Variants in CYTH3 observed in about 807,000 individuals in gnomAD.
CYTH3 encodes the protein cytohesin 3.
A neutral mutation model predicts 55.1 loss-of-function variants in CYTH3; 23 were observed. The ratio of observed to expected loss-of-function variants is 0.42; its 90% CI spans 0.30 to 0.59. CYTH3 has a LOEUF of 0.59. Ranked by LOEUF, CYTH3 falls within the 20% of genes least tolerant of loss-of-function variation. The probability of loss-of-function intolerance (pLI) is 0.20; values close to 1 mark genes in which losing one functional copy is unlikely to be tolerated. For synonymous variants in CYTH3, 249 were observed against 194.9 expected (o/e 1.28, Z -2.31); for missense variants, 413 against 524.8 (o/e 0.79, Z 2.08).
At chr7:6,206,105 C>A (rs191421520) in intron 1 of CYTH3, among the ~76,000 whole-genome samples, 1 of 152,246 alleles carries the variant, frequency 6.6e-6, no homozygotes, top group Non-Finnish European at 1.5e-5. Flanking sequence ...CAATTCCACT[C>A]TAGTTATATA....
At chr7:6,176,442 T>A (rs933047561) in intron 5 of CYTH3, among the ~76,000 whole-genome samples, 1 of 151,942 alleles carries the variant, frequency 6.6e-6, no homozygotes, top group African/African-American at 2.4e-5. Context: ...TTTGTGTTTT[T>A]AGTAGAGGTG....
At chr7:6,213,127 A>G (rs1199723592) in intron 1 of CYTH3, among the ~76,000 whole-genome samples, 1 of 152,216 alleles carries the variant, frequency 6.6e-6, no homozygotes, top group Non-Finnish European at 1.5e-5. Flanking sequence ...TGTCTGGTTC[A>G]TTATTAAATT....
chr7:6,182,308 C>T (rs1359417813), intron 4 of CYTH3, among the ~76,000 whole-genome samples: 2 of 152,182 alleles, frequency 1.3e-5, no homozygotes, highest in Non-Finnish European at 2.9e-5. Context: ...CCCCGGCCTC[C>T]CAAAGTGCTC....
chr7:6,193,789 G>T (rs1349377579), intron 1 of CYTH3, among the ~76,000 whole-genome samples: 1 of 152,172 alleles, frequency 6.6e-6, no homozygotes, highest in Non-Finnish European at 1.5e-5. Context: ...AGAGAGACTA[G>T]GGCACTTCTA....
intron 12 of CYTH3, 109 bp downstream of exon 12, chr7:6,165,164 G>A: frequency 6.4e-7 from 1 of 1,553,944 alleles, no homozygotes; most frequent in Non-Finnish European, 8.7e-7. Context: ...GGTTTCTGGA[G>A]ACAGAAGGTC....
intron 1 of CYTH3, among the ~76,000 whole-genome samples, chr7:6,270,038 T>C (rs952728383): frequency 3.9e-5 from 6 of 152,240 alleles, no homozygotes; most frequent in African/African-American, 1.4e-4. Flanking sequence ...TATAATCTGC[T>C]GGCAGCTGAA....
At chr7:6,241,463 T>C (rs1779671213) in intron 1 of CYTH3, among the ~76,000 whole-genome samples, 2 of 152,230 alleles carry the variant, frequency 1.3e-5, no homozygotes, top group South Asian at 2.1e-4. Context: ...TCACACATTG[T>C]TGATGGGTGT....
At chr7:6,245,670 C>G (rs1779794443) in intron 1 of CYTH3, among the ~76,000 whole-genome samples, 1 of 152,166 alleles carries the variant, frequency 6.6e-6, no homozygotes, top group East Asian at 1.9e-4. Flanking sequence ...TTCGGGAGGC[C>G]GAGGCAGGCG....
intron 5 of CYTH3, among the ~76,000 whole-genome samples, chr7:6,176,362 C>T (rs1300417357): frequency 1.3e-5 from 2 of 148,234 alleles, no homozygotes; most frequent in East Asian, 2.1e-4. Context: ...CCCAGGTTCA[C>T]GTCATTCTCC....
chr7:6,236,480 A>T (rs1383037885), intron 1 of CYTH3, among the ~76,000 whole-genome samples: 3 of 151,790 alleles, frequency 2.0e-5, no homozygotes, highest in Non-Finnish European at 2.9e-5. Flanking sequence ...AAAGCACTGG[A>T]ATTACAGGTA....
chr7:6,232,865 T>C (rs557193885), intron 1 of CYTH3, among the ~76,000 whole-genome samples: 1 of 152,302 alleles, frequency 6.6e-6, no homozygotes, highest in African/African-American at 2.4e-5. Context: ...GATTTGCAAC[T>C]AGGAGCCCTG....
intron 1 of CYTH3, among the ~76,000 whole-genome samples, chr7:6,224,400 G>C (rs988786652): frequency 4.0e-5 from 6 of 150,852 alleles, no homozygotes; most frequent in African/African-American, 1.5e-4. Context: ...TTTAAAACAA[G>C]TCTCTTCAAC....
intron 1 of CYTH3, among the ~76,000 whole-genome samples, chr7:6,223,132 G>A (rs552582654): frequency 1.3e-5 from 2 of 152,272 alleles, no homozygotes; most frequent in Non-Finnish European, 2.9e-5. Flanking sequence ...TCTGGGAGGC[G>A]AGGAGCGCCT....
intron 1 of CYTH3, among the ~76,000 whole-genome samples, chr7:6,251,987 T>C (rs1779983204): frequency 6.6e-6 from 1 of 152,222 alleles, no homozygotes; most frequent in Admixed American, 6.5e-5. Context: ...ATTACATTGA[T>C]CATAAAAACC....
chr7:6,181,832 C>G (rs73675885), intron 4 of CYTH3, among the ~76,000 whole-genome samples: 7 of 152,112 alleles, frequency 4.6e-5, no homozygotes, highest in Non-Finnish European at 7.3e-5. Context: ...TTCTAGCACA[C>G]GTCCACTCTT....
intron 1 of CYTH3, among the ~76,000 whole-genome samples, chr7:6,241,297 T>G (rs910557639): frequency 2.8e-4 from 42 of 152,096 alleles, no homozygotes; most frequent in African/African-American, 9.7e-4. Context: ...TTCGAGAATT[T>G]GAAAAAGACT....
At chr7:6,243,548 G>C (rs1779728806) in intron 1 of CYTH3, among the ~76,000 whole-genome samples, 1 of 152,192 alleles carries the variant, frequency 6.6e-6, no homozygotes, top group Non-Finnish European at 1.5e-5. Context: ...TTAAGGGGAT[G>C]GGTATTTTGG....
intron 1 of CYTH3, among the ~76,000 whole-genome samples, chr7:6,219,056 G>T (rs1010430248): frequency 6.6e-6 from 1 of 150,598 alleles, no homozygotes; most frequent in Non-Finnish European, 1.5e-5. Context: ...GAGAAGTGAG[G>T]AGCAGAGTAC....
At chr7:6,255,481 T>C (rs539444027) in intron 1 of CYTH3, among the ~76,000 whole-genome samples, 3 of 152,074 alleles carry the variant, frequency 2.0e-5, no homozygotes, top group Non-Finnish European at 4.4e-5. Flanking sequence ...TAAGACTATT[T>C]AGGAAGGAAT....
Sources: gnomAD v4.1 joint callset for allele counts (sites outside exome capture counted in the v4.1 genomes callset) on GRCh38, gnomAD v4.1.1 for gene constraint, MANE v1.5 for transcripts, NCBI Gene and HGNC (gene_info 2026-07-23, HGNC 2026-07-21) for gene names.